The following HYCC1 variants were observed in gnomAD, a reference collection of about 807,000 sequenced individuals.
HYCC1 encodes the protein hyccin.
chr7:22,993,048 A>G, the HYCC1 span, among the ~76,000 whole-genome samples: 1 of 152,124 alleles, frequency 6.6e-6, no homozygotes, highest in African/African-American at 2.4e-5. Context: ...AAAACAACCA[A>G]TGGAACAGAA....
chr7:22,902,101 A>T, the HYCC1 span, among the ~76,000 whole-genome samples: 1 of 152,172 alleles, frequency 6.6e-6, no homozygotes, highest in Admixed American at 6.5e-5. Flanking sequence ...ATAGAATTAA[A>T]TTACAAATCG....
the HYCC1 span, chr7:22,991,205 C>T: frequency 6.8e-6 from 7 of 1,027,428 alleles, no homozygotes; most frequent in South Asian, 8.1e-5. Flanking sequence ...TTACTATGAA[C>T]AGAGATAATC....
chr7:22,991,402 T>G, the HYCC1 span, among the ~76,000 whole-genome samples: 1 of 152,238 alleles, frequency 6.6e-6, no homozygotes, highest in Middle Eastern at 3.4e-3. Flanking sequence ...CTGCAAAACA[T>G]ATTGGACATT....
chr7:23,003,754 A>G, the HYCC1 span, among the ~76,000 whole-genome samples: 1 of 152,180 alleles, frequency 6.6e-6, no homozygotes, highest in South Asian at 2.1e-4. Context: ...TTCAGCCTTT[A>G]ATGAGGTCTG....
chr7:22,910,987 G>A, the HYCC1 span, among the ~76,000 whole-genome samples: 11 of 151,912 alleles, frequency 7.2e-5, no homozygotes, highest in East Asian at 2.1e-3. Flanking sequence ...TTATCTTTTC[G>A]GACTTGTGCA....
chr7:22,988,341 G>A, the HYCC1 span, among the ~76,000 whole-genome samples: 1 of 152,108 alleles, frequency 6.6e-6, no homozygotes, highest in Non-Finnish European at 1.5e-5. Flanking sequence ...TTTCCTGCAG[G>A]CCATGATTCA....
At chr7:23,000,504 C>T in the HYCC1 span, among the ~76,000 whole-genome samples, 1 of 152,050 alleles carries the variant, frequency 6.6e-6, no homozygotes, top group African/African-American at 2.4e-5. Flanking sequence ...TTGATTTTAA[C>T]ATAAAAATAC....
chr7:22,978,845 T>C, the HYCC1 span, among the ~76,000 whole-genome samples: 1 of 152,152 alleles, frequency 6.6e-6, no homozygotes, highest in Non-Finnish European at 1.5e-5. Context: ...TGTAATTTTA[T>C]TTTAAACATA....
At chr7:22,896,603 T>C in the HYCC1 span, among the ~76,000 whole-genome samples, 1 of 152,198 alleles carries the variant, frequency 6.6e-6, no homozygotes, top group African/African-American at 2.4e-5. Context: ...TTTTATACAA[T>C]TGTCTTTTGG....
At chr7:22,969,681 C>A in the HYCC1 span, among the ~76,000 whole-genome samples, 1 of 151,850 alleles carries the variant, frequency 6.6e-6, no homozygotes, top group East Asian at 2.0e-4. Flanking sequence ...CCCACCACTA[C>A]ATCTGGCAAT....
chr7:22,925,178 C>G, the HYCC1 span, among the ~76,000 whole-genome samples: 1 of 152,182 alleles, frequency 6.6e-6, no homozygotes, highest in African/African-American at 2.4e-5. Context: ...AAAAACCCAT[C>G]TGTACGTCAC....
At chr7:22,931,949 G>C in the HYCC1 span, among the ~76,000 whole-genome samples, 1 of 152,180 alleles carries the variant, frequency 6.6e-6, no homozygotes, top group South Asian at 2.1e-4. Context: ...AGAGGTGTGA[G>C]ATAAATTGAG....
the HYCC1 span, among the ~76,000 whole-genome samples, chr7:22,927,812 A>G: frequency 3.0e-4 from 46 of 152,270 alleles, no homozygotes; most frequent in African/African-American, 6.7e-4. Flanking sequence ...AGAAAAAGAG[A>G]GAATCCTCCC....
the HYCC1 span, among the ~76,000 whole-genome samples, chr7:22,926,798 T>C: frequency 9.9e-5 from 15 of 151,138 alleles, no homozygotes; most frequent in Admixed American, 5.3e-4. Context: ...AACAAGGATA[T>C]CCAGGAATTG....
chr7:23,002,043 A>G, the HYCC1 span, among the ~76,000 whole-genome samples: 1 of 150,722 alleles, frequency 6.6e-6, no homozygotes, highest in Non-Finnish European at 1.5e-5. Flanking sequence ...CTCTTCACAA[A>G]GCATCTCAAA....
At chr7:22,924,514 A>T in the HYCC1 span, among the ~76,000 whole-genome samples, 5 of 152,246 alleles carry the variant, frequency 3.3e-5, no homozygotes, top group African/African-American at 1.2e-4. Context: ...GGGCTTAACA[A>T]ACAGCACACC....
chr7:22,929,139 T>C, the HYCC1 span, among the ~76,000 whole-genome samples: 4 of 152,218 alleles, frequency 2.6e-5, no homozygotes, highest in African/African-American at 7.2e-5. Flanking sequence ...GCTAGCCATA[T>C]GTAGAAAGCT....
At chr7:22,979,260 T>G in the HYCC1 span, among the ~76,000 whole-genome samples, 1 of 152,198 alleles carries the variant, frequency 6.6e-6, no homozygotes, top group Admixed American at 6.5e-5. Context: ...ATAATTAAAG[T>G]CAATATTGTT....
At chr7:22,963,663 T>C in the HYCC1 span, among the ~76,000 whole-genome samples, 1 of 152,190 alleles carries the variant, frequency 6.6e-6, no homozygotes, top group Non-Finnish European at 1.5e-5. Context: ...TCTCACCTAT[T>C]CAACTCTGCC....
Sources: gnomAD v4.1 joint callset for allele counts (sites outside exome capture counted in the v4.1 genomes callset) on GRCh38, gnomAD v4.1.1 for gene constraint, MANE v1.5 for transcripts, NCBI Gene and HGNC (gene_info 2026-07-23, HGNC 2026-07-21) for gene names.